Variants in LRRC4C observed in about 807,000 individuals in gnomAD.
LRRC4C encodes leucine-rich repeat-containing protein 4C.
Under a neutral mutation model 33.6 loss-of-function variants are expected in LRRC4C, and 5 were observed. The observed-to-expected ratio is 0.15, with a 90% CI of 0.08 to 0.31. The LOEUF is 0.31. Among genes scored for constraint, LRRC4C ranks in the 10% least tolerant of loss-of-function variants. LRRC4C has a pLI of 1.00. For synonymous variants in LRRC4C, 329 were observed against 302.0 expected, an observed-to-expected ratio of 1.09 and a Z score of -0.93; for missense variants, 560 against 796.7, an observed-to-expected ratio of 0.70 and a Z score of 3.58.
intron 1 of LRRC4C, among the ~76,000 whole-genome samples, chr11:40,937,318 G>C (rs1193932059): frequency 6.6e-6 from 1 of 151,742 alleles, no homozygotes; most frequent in African/African-American, 2.4e-5. Context: ...CTACTAGAGT[G>C]GGGAGGGAGG....
intron 3 of LRRC4C, among the ~76,000 whole-genome samples, chr11:40,356,987 G>T (rs1947699627): frequency 6.6e-6 from 1 of 152,078 alleles, no homozygotes; most frequent in Non-Finnish European, 1.5e-5. Context: ...TCACAAAGCT[G>T]CCATTAAACA....
chr11:40,365,206 G>A (rs1388599670), intron 3 of LRRC4C, among the ~76,000 whole-genome samples: 4 of 151,734 alleles, frequency 2.6e-5, no homozygotes, highest in Non-Finnish European at 5.9e-5. Context: ...CTCTTTTAAA[G>A]CATTGTGATG....
intron 1 of LRRC4C, among the ~76,000 whole-genome samples, chr11:41,450,874 A>G (rs1413349793): frequency 6.6e-6 from 1 of 152,118 alleles, no homozygotes; most frequent in Non-Finnish European, 1.5e-5. Flanking sequence ...CACAATATAC[A>G]TATTTAAGAC....
intron 1 of LRRC4C, among the ~76,000 whole-genome samples, chr11:41,187,582 C>T (rs1046354754): frequency 1.3e-5 from 2 of 152,214 alleles, no homozygotes; most frequent in East Asian, 1.9e-4. Flanking sequence ...CACTCTTTCT[C>T]CAAGCCCACG....
At chr11:40,585,570 C>A (rs1958689200) in intron 3 of LRRC4C, among the ~76,000 whole-genome samples, 1 of 147,798 alleles carries the variant, frequency 6.8e-6, no homozygotes, top group Admixed American at 6.8e-5. Context: ...GCGCTGCACC[C>A]ACTAACTCGT....
rs57649217 is a variant in LRRC4C at position 40,405,965 on chromosome 11, T to C, written c.-269-86244A>G. ...ACTTACCTTTCTCTGTATGGTTTCATAGGTAAATACTAAACTTCCATCTTG... is the reference window on the plus strand; with the variant it reads ...ACTTACCTTTCTCTGTATGGTTTCACAGGTAAATACTAAACTTCCATCTTG... On this transcript the variant is annotated intron_variant, in intron 3 of 6. Coordinates refer to ENST00000528697, the MANE Select transcript of LRRC4C (RefSeq NM_001258419.2). Among the ~76,000 whole-genome samples, 1,174 of 152,084 alleles carry C rather than the reference T, an allele frequency of 7.7e-3. 13 individuals carry two copies. The highest frequency in any genetic ancestry group is 0.027 in the African/African-American group (1,106 of 41,524).
intron 2 of LRRC4C, among the ~76,000 whole-genome samples, chr11:40,803,221 C>T (rs979919075): frequency 6.6e-6 from 1 of 152,114 alleles, no homozygotes; most frequent in Non-Finnish European, 1.5e-5. Context: ...CAGTTACTAT[C>T]GTTATTTTTC....
chr11:40,576,554 A>G (rs1447702858), intron 3 of LRRC4C, among the ~76,000 whole-genome samples: 2 of 152,178 alleles, frequency 1.3e-5, no homozygotes, highest in South Asian at 2.1e-4. Context: ...GAGGTTCCCA[A>G]TGGGAGTTTT....
intron 3 of LRRC4C, among the ~76,000 whole-genome samples, chr11:40,424,714 A>G (rs1314879622): frequency 2.6e-5 from 4 of 152,186 alleles, no homozygotes; most frequent in Non-Finnish European, 4.4e-5. Context: ...AAGTGAATAA[A>G]TGCAGCCAAA....
At chr11:41,219,517 T>C (rs1947210189) in intron 1 of LRRC4C, among the ~76,000 whole-genome samples, 2 of 152,260 alleles carry the variant, frequency 1.3e-5, no homozygotes, top group East Asian at 3.9e-4. Context: ...AGTGTTTCTG[T>C]GTGTTCCTAC....
chr11:40,348,436 C>CAGCTT (rs1441299640), intron 3 of LRRC4C, among the ~76,000 whole-genome samples: 1 of 152,186 alleles, frequency 6.6e-6, no homozygotes, highest in Non-Finnish European at 1.5e-5. Context: ...ACAAGAGGCA[C>CAGCTT]AGCTTAGCTT....
At chr11:40,335,283 TA>T (rs1291110476) in intron 3 of LRRC4C, among the ~76,000 whole-genome samples, 1 of 152,150 alleles carries the variant, frequency 6.6e-6, no homozygotes, top group Non-Finnish European at 1.5e-5. Context: ...TTATAGATGA[TA>T]TTTAAAGACA....
At chr11:41,117,242 A>T (rs1436340954) in intron 1 of LRRC4C, among the ~76,000 whole-genome samples, 1 of 152,172 alleles carries the variant, frequency 6.6e-6, no homozygotes, top group Non-Finnish European at 1.5e-5. Context: ...GCTCAGCTCA[A>T]ATTGCTGACT....
intron 5 of LRRC4C, among the ~76,000 whole-genome samples, chr11:40,142,104 G>A (rs554865160): frequency 1.7e-4 from 26 of 151,778 alleles, no homozygotes; most frequent in East Asian, 3.9e-4. Context: ...CAAACATGGC[G>A]AAACCCTGTC....
chr11:41,171,888 G>A (rs1331749983), intron 1 of LRRC4C, among the ~76,000 whole-genome samples: 1 of 151,828 alleles, frequency 6.6e-6, no homozygotes, highest in Admixed American at 6.6e-5. Flanking sequence ...GATACTGAAC[G>A]ACCACCAGGC....
intron 1 of LRRC4C, among the ~76,000 whole-genome samples, chr11:41,393,689 T>G (rs1953693045): frequency 1.3e-5 from 2 of 151,902 alleles, no homozygotes; most frequent in African/African-American, 4.8e-5. Flanking sequence ...GCAATGAAAC[T>G]TGAAGGGAAA....
At chr11:40,530,064 G>A (rs1386135304) in intron 3 of LRRC4C, among the ~76,000 whole-genome samples, 1 of 151,958 alleles carries the variant, frequency 6.6e-6, no homozygotes. Flanking sequence ...TGAAACTACT[G>A]GTTTTTGGGA....
intron 4 of LRRC4C, among the ~76,000 whole-genome samples, chr11:40,260,675 G>C (rs1254906479): frequency 2.6e-5 from 4 of 152,094 alleles, no homozygotes; most frequent in Non-Finnish European, 5.9e-5. Flanking sequence ...CAGCATCAGA[G>C]ACCATCATTT....
chr11:41,356,782 T>C (rs1355975622), intron 1 of LRRC4C, among the ~76,000 whole-genome samples: 1 of 152,126 alleles, frequency 6.6e-6, no homozygotes, highest in African/African-American at 2.4e-5. Context: ...CGATGAACTT[T>C]CTACAATTTA....
Sources: allele counts gnomAD v4.1 joint callset (sites outside exome capture counted in the v4.1 genomes callset), GRCh38; gene constraint gnomAD v4.1.1; transcripts MANE v1.5; gene names NCBI Gene and HGNC (gene_info 2026-07-23, HGNC 2026-07-21).